SLC25A26: variants seen among roughly 807,000 people sequenced by gnomAD.
SLC25A26 encodes the protein solute carrier family 25 member 26.
A neutral mutation model predicts 37.8 loss-of-function variants in SLC25A26; 36 were observed. That is an observed-to-expected ratio of 0.95 (90% CI 0.73 to 1.26). The LOEUF (loss-of-function observed/expected upper bound fraction) is 1.26. Ranked by LOEUF, SLC25A26 falls within the 50% of genes most tolerant of loss-of-function variation. SLC25A26 has a pLI of 0.00. For synonymous variants in SLC25A26, 129 were observed against 122.5 expected (o/e 1.05, Z -0.35); for missense variants, 390 against 331.1 (o/e 1.18, Z -1.38).
intron 1 of SLC25A26, among the ~76,000 whole-genome samples, chr3:66,152,589 A>G (rs982845788): frequency 1.3e-5 from 2 of 151,912 alleles, no homozygotes; most frequent in African/African-American, 4.8e-5. Context: ...TCACATCTCC[A>G]TATGGTATCA....
At position 66,209,055 on chromosome 3, in the gene SLC25A26, TATATATATATACAC is replaced by T. The variant is rs2071229631; in HGVS notation, c.-353-11685_-353-11672del. Among the ~76,000 whole-genome samples the T allele has an allele frequency of 3.2e-4, 8 of 25,306 alleles. 1 individual carries two copies. Among genetic ancestry groups the T allele is most frequent in the African/African-American group, 1.6e-3 (8 of 4,916 alleles). The allele number at this position is 25,306 out of a possible 152,430, so 16.6% of individuals were successfully genotyped here. On this transcript the variant is annotated intron_variant, in intron 1 of 10. Coordinates refer to the SLC25A26 transcript ENST00000676754. ...ATATAAAGGTGTATATATATATATA[TATATATATATACAC>T]ACACACACCCATATAAAGATGTATA... is the stretch of plus-strand genomic sequence containing the variant.
chr3:66,161,944 C>T (rs1189616970), intron 1 of SLC25A26, among the ~76,000 whole-genome samples: 1 of 152,114 alleles, frequency 6.6e-6, no homozygotes, highest in Non-Finnish European at 1.5e-5. Flanking sequence ...CACAGCTGGT[C>T]TCGGGGAATT....
chr3:66,228,326 A>G (rs1271935987), intron 1 of SLC25A26, among the ~76,000 whole-genome samples: 1 of 152,190 alleles, frequency 6.6e-6, no homozygotes, highest in African/African-American at 2.4e-5. Context: ...ATACTTGGAA[A>G]GTTTTAGTAT....
At chr3:66,138,897 C>T (rs911245612) in intron 1 of SLC25A26, among the ~76,000 whole-genome samples, 5 of 152,200 alleles carry the variant, frequency 3.3e-5, no homozygotes, top group Middle Eastern at 3.4e-3. Flanking sequence ...TGAAATCCCC[C>T]GTGATGAACA....
rs965134268 is a variant in SLC25A26, at chr3:66,196,631, T to C, written c.-353-24111T>C. ...AAAGTGTTTAACTATAGCCTTAAAATAGAATTTATCAGTATATTAAATAAA... is the reference window on the plus strand; with the variant it reads ...AAAGTGTTTAACTATAGCCTTAAAACAGAATTTATCAGTATATTAAATAAA... On this transcript the variant is annotated intron_variant, in intron 1 of 10. Transcript: ENST00000676754. Among the ~76,000 whole-genome samples, 176 of 152,326 alleles carry C rather than the reference T, an allele frequency of 1.2e-3. 2 individuals are homozygous for C. Among genetic ancestry groups the C allele is most frequent in the South Asian group, 2.1e-3 (10 of 4,826 alleles).
rs778174252 is a variant in SLC25A26, at chr3:66,259,103, G to C, written c.301-2948G>C. ...CTGCCAGGGTAGGAGGGGAGAGACT[G>C]ACTCCCTTTGTTTTTCCTAACTGGG... On this transcript the variant is annotated intron_variant, in intron 3 of 9. Coordinates refer to ENST00000354883, the MANE Select transcript of SLC25A26 (RefSeq NM_001379210.1). Among the ~76,000 whole-genome samples, 201 of 152,206 alleles carry C rather than the reference G, an allele frequency of 1.3e-3. 7 individuals carry two copies. Among genetic ancestry groups the C allele is most frequent in the Middle Eastern group, 3.4e-3 (1 of 294 alleles).
intron 2 of SLC25A26, among the ~76,000 whole-genome samples, chr3:66,241,486 AG>A (rs2072582016): frequency 6.6e-6 from 1 of 152,198 alleles, no homozygotes. Flanking sequence ...TGTAGTGCGT[AG>A]GTTACATAGT....
chr3:66,282,175 C>T (rs563619685), intron 5 of SLC25A26, among the ~76,000 whole-genome samples: 1 of 151,866 alleles, frequency 6.6e-6, no homozygotes, highest in African/African-American at 2.4e-5. Context: ...CCGCGCCCGG[C>T]TAATTTTTTG....
chr3:66,156,827 G>A (rs2070289353), intron 1 of SLC25A26, among the ~76,000 whole-genome samples: 1 of 152,020 alleles, frequency 6.6e-6, no homozygotes, highest in African/African-American at 2.4e-5. Flanking sequence ...GGAATGTAGT[G>A]GGTGAAGAGA....
intron 5 of SLC25A26, among the ~76,000 whole-genome samples, chr3:66,287,651 G>A (rs1321740442): frequency 2.0e-5 from 3 of 152,136 alleles, no homozygotes; most frequent in Admixed American, 6.5e-5. Flanking sequence ...ATTCACCTAC[G>A]GGAATGAGGA....
intron 5 of SLC25A26, among the ~76,000 whole-genome samples, chr3:66,337,565 T>C (rs1218139107): frequency 6.6e-6 from 1 of 152,052 alleles, no homozygotes; most frequent in Non-Finnish European, 1.5e-5. Flanking sequence ...TTGGAACACA[T>C]GCTAATGTTT....
intron 1 of SLC25A26, among the ~76,000 whole-genome samples, chr3:66,189,004 T>A (rs1332596933): frequency 6.6e-6 from 1 of 152,006 alleles, no homozygotes; most frequent in East Asian, 1.9e-4. Context: ...GGATTCCTCA[T>A]CCCAACTCAC....
At chr3:66,211,545 C>G (rs2071283966) in intron 1 of SLC25A26, among the ~76,000 whole-genome samples, 1 of 152,096 alleles carries the variant, frequency 6.6e-6, no homozygotes, top group African/African-American at 2.4e-5. Flanking sequence ...GTCTTTCCAT[C>G]CAGAAACTCT....
chr3:66,205,999 T>C (rs995057321), intron 1 of SLC25A26, among the ~76,000 whole-genome samples: 6 of 152,186 alleles, frequency 3.9e-5, no homozygotes, highest in African/African-American at 1.4e-4. Flanking sequence ...TAAGCAACTA[T>C]GTCTCAATCT....
At chr3:66,290,253 T>A (rs2074659240) in intron 5 of SLC25A26, among the ~76,000 whole-genome samples, 1 of 152,002 alleles carries the variant, frequency 6.6e-6, no homozygotes, top group Non-Finnish European at 1.5e-5. Context: ...AATTATGTCA[T>A]CTGCAAACAG....
intron 5 of SLC25A26, among the ~76,000 whole-genome samples, chr3:66,317,945 C>G (rs2075585662): frequency 6.6e-6 from 1 of 152,168 alleles, no homozygotes; most frequent in African/African-American, 2.4e-5. Flanking sequence ...TCCAAACCAC[C>G]CGGTCTTGCT....
At position 66,378,017 on chromosome 3, in the gene SLC25A26, G is replaced by A; in HGVS notation, c.*210G>A. 2.0e-6 allele frequency: 1 copy of A among 500,880 alleles called. No individual in the cohort carries two copies. Among genetic ancestry groups the A allele is most frequent in the Non-Finnish European group, 3.6e-6 (1 of 280,392 alleles). The allele number at this position is 500,880 out of a possible 1,614,324, so 31.0% of individuals were successfully genotyped here. ...CAGAGAGCTAAGAGAAGAAAACGGG[G>A]TCTGTGGCGGTACTCTGAACAATTT... is the stretch of plus-strand genomic sequence containing the variant. On this transcript the variant is annotated 3_prime_UTR_variant, in exon 10 of 10. Transcript: ENST00000354883.
intron 6 of SLC25A26, among the ~76,000 whole-genome samples, chr3:66,346,722 G>GTGTC (rs2076333921): frequency 2.1e-5 from 2 of 96,980 alleles, no homozygotes; most frequent in South Asian, 5.2e-4. Flanking sequence ...GTGCGTGTGT[G>GTGTC]TGTGTGTGTG....
At chr3:66,276,697 A>G (rs2074160580) in intron 5 of SLC25A26, among the ~76,000 whole-genome samples, 1 of 152,054 alleles carries the variant, frequency 6.6e-6, no homozygotes, top group African/African-American at 2.4e-5. Context: ...GAAAAGGTTG[A>G]TAATCTTTGG....
Sources: allele counts gnomAD v4.1 joint callset (sites outside exome capture counted in the v4.1 genomes callset), GRCh38; gene constraint gnomAD v4.1.1; transcripts MANE v1.5; gene names NCBI Gene and HGNC (gene_info 2026-07-23, HGNC 2026-07-21).